The following JADE3 variants were observed in gnomAD, a reference collection of about 807,000 sequenced individuals.
JADE3 encodes the protein protein Jade-3.
JADE3 carries 2 observed loss-of-function variants against 50.1 expected under a neutral mutation model. That is an observed-to-expected ratio of 0.04 (90% CI 0.02 to 0.13). The LOEUF is 0.13. Among genes scored for constraint, JADE3 ranks in the 10% least tolerant of loss-of-function variants. The pLI is 1.00. For missense variants in JADE3, 475 were observed against 634.4 expected (o/e 0.75, Z 2.70); for synonymous variants, 218 against 232.9 (o/e 0.94, Z 0.58).
chrX:46,985,005 A>C lies in JADE3; in HGVS notation c.46+65A>C, dbSNP rs1344161021. 4 of 914,841 alleles carry C rather than the reference A, an allele frequency of 4.4e-6. No individual in the cohort carries two copies. In the African/African-American group the frequency reaches 7.8e-5, roughly 18 times the overall value. 75.4% of individuals were successfully genotyped at this position (914,841 alleles called of 1,213,427 possible). A position where few individuals can be genotyped will look rare whatever the true frequency, so the allele number is the denominator to read the frequency against. On this transcript the variant is annotated intron_variant, in intron 2 of 10. Coordinates refer to ENST00000614628, the MANE Select transcript of JADE3 (RefSeq NM_014735.5). ...ATATCCCTTGAGGATTTTTCCTTTC[A>C]TTTGAGGATAAACCATTTCATGCTT...
intron 1 of JADE3, among the ~76,000 whole-genome samples, chrX:46,982,953 C>T (rs1226022459): frequency 9.0e-6 from 1 of 111,602 alleles, no homozygotes; most frequent in African/African-American, 3.3e-5. Flanking sequence ...CTCAGCCTCC[C>T]GAGTAGCTGA....
intron 3 of JADE3, among the ~76,000 whole-genome samples, chrX:46,993,063 G>T (rs782338759): frequency 8.9e-6 from 1 of 111,924 alleles, no homozygotes; most frequent in African/African-American, 3.2e-5. Flanking sequence ...CTGGCTGGGT[G>T]CTGTGGCTCA....
chrX:47,016,766 C>T (rs1928686402), intron 4 of JADE3, among the ~76,000 whole-genome samples: 1 of 108,978 alleles, frequency 9.2e-6, no homozygotes, highest in Non-Finnish European at 1.9e-5. Context: ...GCTATCCTCC[C>T]GCCTCAGCCT....
intron 1 of JADE3, among the ~76,000 whole-genome samples, chrX:46,967,515 A>G (rs1306086219): frequency 9.0e-6 from 1 of 111,645 alleles, no homozygotes; most frequent in East Asian, 2.8e-4. Context: ...TTGGTTTTCT[A>G]GGGCCAAGGG....
At chrX:47,013,319 T>A (rs782708086) in intron 4 of JADE3, among the ~76,000 whole-genome samples, 20 of 112,401 alleles carry the variant, frequency 1.8e-4, no homozygotes, top group South Asian at 1.1e-3. Flanking sequence ...CAGCCAGTTT[T>A]ATTTTTTTAA....
chrX:46,932,456 A>G (rs1926517728), intron 1 of JADE3, among the ~76,000 whole-genome samples: 2 of 112,544 alleles, frequency 1.8e-5, no homozygotes, highest in Admixed American at 9.4e-5. Context: ...TTCAAGGCCT[A>G]TATATAGCAA....
At chrX:47,039,535 G>A (rs1688088721) in intron 8 of JADE3, among the ~76,000 whole-genome samples, 1 of 110,612 alleles carries the variant, frequency 9.0e-6, no homozygotes, top group Admixed American at 9.6e-5. Context: ...GTACCCAATA[G>A]GTAGTTTTTT....
At chrX:46,956,424 A>C (rs1927116242) in intron 1 of JADE3, among the ~76,000 whole-genome samples, 1 of 113,079 alleles carries the variant, frequency 8.8e-6, no homozygotes, top group Non-Finnish European at 1.9e-5. Flanking sequence ...CAAGGATTTT[A>C]ATATAATGGA....
chrX:47,044,648 T>A (rs1222156489), intron 8 of JADE3, among the ~76,000 whole-genome samples: 3 of 111,850 alleles, frequency 2.7e-5, no homozygotes, highest in Non-Finnish European at 5.6e-5. Context: ...AATATTGTAA[T>A]TGTGGTATGA....
In JADE3 at chrX:47,033,622, C is replaced by T; in HGVS notation, c.689C>T (p.Ala230Val). 8.3e-7 allele frequency: 1 copy of T among 1,204,040 alleles called. No individual in the cohort carries two copies. Among genetic ancestry groups the T allele is most frequent in the Non-Finnish European group, 1.1e-6 (1 of 891,063 alleles). ...CDKCNVCVHQACYGILKVPEG... is the reference protein window; with the variant it reads ...CDKCNVCVHQVCYGILKVPEG... ...CCCCTCTCCTCCTCATACCTCCAGGCCTGCTATGGCATCCTCAAGGTCCCA... is the reference window on the plus strand; with the variant it reads ...CCCCTCTCCTCCTCATACCTCCAGGTCTGCTATGGCATCCTCAAGGTCCCA... Residue 230 changes from alanine (A) to valine (V), a missense_variant and splice_region_variant, in exon 7 of 11, where the codon GCC becomes GTC. Ala to Val is a moderately conservative substitution (Grantham distance 64, BLOSUM62 0). This residue lies in a region of JADE3 where 54 missense variants were observed against 156.2 expected (regional missense o/e 0.35). Coordinates refer to ENST00000614628, the MANE Select transcript of JADE3 (RefSeq NM_014735.5).
intron 7 of JADE3, among the ~76,000 whole-genome samples, chrX:47,037,663 TAGGTGTATA>T (rs1929163858): frequency 8.9e-6 from 1 of 111,866 alleles, no homozygotes; most frequent in African/African-American, 3.3e-5. Flanking sequence ...GGGTACATAT[TAGGTGTATA>T]TATTTACGGG....
intron 8 of JADE3, among the ~76,000 whole-genome samples, chrX:47,044,898 C>T (rs1556370372): frequency 1.8e-5 from 2 of 111,193 alleles, no homozygotes. Context: ...ATCCGCAAGG[C>T]CCATGGTAAA....
chrX:47,013,910 A>G (rs1556362280), intron 4 of JADE3, among the ~76,000 whole-genome samples: 3 of 112,169 alleles, frequency 2.7e-5, no homozygotes, highest in African/African-American at 9.7e-5. Context: ...AAAGTCAACA[A>G]GCAAAATGCC....
intron 6 of JADE3, among the ~76,000 whole-genome samples, chrX:47,032,239 C>T (rs1483448433): frequency 2.7e-5 from 3 of 111,483 alleles, no homozygotes; most frequent in African/African-American, 6.5e-5. Flanking sequence ...GATAAGGAAC[C>T]GGCAAACTTT....
At chrX:47,027,382 G>A (rs1461870038) in intron 5 of JADE3, among the ~76,000 whole-genome samples, 2 of 111,951 alleles carry the variant, frequency 1.8e-5, no homozygotes, top group Non-Finnish European at 3.8e-5. Context: ...CTACACATGG[G>A]ACCTAGAATT....
chrX:46,959,689 A>G (rs782742964), intron 1 of JADE3, among the ~76,000 whole-genome samples: 167 of 110,558 alleles, frequency 1.5e-3, no homozygotes, highest in Non-Finnish European at 2.8e-3. Context: ...GAAGTAGGAT[A>G]GGGTGATGAT....
chrX:46,975,037 T>A (rs1384688004), intron 1 of JADE3, among the ~76,000 whole-genome samples: 1 of 33,095 alleles, frequency 3.0e-5, no homozygotes, highest in Non-Finnish European at 5.7e-5. Flanking sequence ...CTCCAGATAT[T>A]GCCAAATGTC....
intron 1 of JADE3, among the ~76,000 whole-genome samples, chrX:46,943,380 C>T (rs186403923): frequency 9.0e-6 from 1 of 110,943 alleles, no homozygotes; most frequent in Non-Finnish European, 1.9e-5. Flanking sequence ...TTTTTGATGC[C>T]TAGTTTATTG....
chrX:47,044,376 A>C (rs1244842268), intron 8 of JADE3, among the ~76,000 whole-genome samples: 3 of 111,790 alleles, frequency 2.7e-5, no homozygotes, highest in Non-Finnish European at 5.6e-5. Flanking sequence ...GAGTGGCATG[A>C]CATATTAAAA....
Sources: allele counts gnomAD v4.1 joint callset (sites outside exome capture counted in the v4.1 genomes callset), GRCh38; gene constraint gnomAD v4.1.1; regional missense constraint gnomAD v4.1.1; transcripts MANE v1.5; gene names NCBI Gene and HGNC (gene_info 2026-07-23, HGNC 2026-07-21).